TRIT1: variants seen among roughly 807,000 people sequenced by gnomAD.
TRIT1 encodes tRNA dimethylallyltransferase.
A neutral mutation model predicts 51.2 loss-of-function variants in TRIT1; 43 were observed. The observed-to-expected ratio is 0.84, with a 90% CI of 0.66 to 1.08. The LOEUF (loss-of-function observed/expected upper bound fraction) is 1.08. Ranked by LOEUF, TRIT1 falls within the 50% of genes least tolerant of loss-of-function variation. The probability of loss-of-function intolerance (pLI) is 0.00; values close to 1 mark genes in which losing one functional copy is unlikely to be tolerated. For missense variants in TRIT1, 528 were observed against 578.4 expected (o/e 0.91, Z 0.89); for synonymous variants, 184 against 203.9 (o/e 0.90, Z 0.83).
At chr1:39,846,458 A>G (rs1642229519) in intron 8 of TRIT1, among the ~76,000 whole-genome samples, 3 of 152,212 alleles carry the variant, frequency 2.0e-5, no homozygotes, top group Admixed American at 1.3e-4. Flanking sequence ...GTTTTTACCC[A>G]TGGTCCAATA....
Position 39,841,494 on chromosome 1 carries a change from GAA to G in TRIT1, c.*248_*249del. The stretch of plus-strand genomic sequence containing the variant: ...AATAATAGAACCTTTAAGGTTCAAA[GAA>G]AAAAAAAATGCTTTCCTGAACTACA... On this transcript the variant is annotated 3_prime_UTR_variant, in exon 11 of 11. Coordinates refer to ENST00000316891, the MANE Select transcript of TRIT1 (RefSeq NM_017646.6). 1 of 324,308 alleles carries G rather than the reference GAA, an allele frequency of 3.1e-6. No homozygotes were observed. The highest frequency in any genetic ancestry group is 5.6e-6 in the Non-Finnish European group (1 of 179,834). The allele number at this position is 324,308 out of a possible 1,614,324, so 20.1% of individuals were successfully genotyped here.
intron 1 of TRIT1, among the ~76,000 whole-genome samples, chr1:39,874,388 G>A (rs1643978486): frequency 6.6e-6 from 1 of 152,068 alleles, no homozygotes; most frequent in African/African-American, 2.4e-5. Flanking sequence ...TCCCCTAGGA[G>A]GCCAAATCAC....
At position 39,841,810 on chromosome 1, in the gene TRIT1, A is replaced by C. The variant is rs1386388712; in HGVS notation, c.1338T>G (p.His446Gln). 6.2e-7 allele frequency: 1 copy of C among 1,613,850 alleles called. No homozygotes were observed. The highest frequency in any genetic ancestry group is 1.7e-5 in the Admixed American group (1 of 59,980). ...ATCCCTTCTCTTTAGGTTCTTTGTT[A>C]TGGTCTGGGGAAACACTCTGACTTT... ...TIESQSVSPD[H>Q]NKEPKEKGSP... is the part of the protein sequence containing the mutation. Residue 446 changes from histidine to glutamine, a missense_variant, in exon 11 of 11, where the codon CAT becomes CAG. His to Gln is a conservative substitution (Grantham distance 24). Transcript: ENST00000316891.
chr1:39,851,360 T>C (rs1490684997), intron 4 of TRIT1, among the ~76,000 whole-genome samples: 4 of 152,074 alleles, frequency 2.6e-5, no homozygotes, highest in Non-Finnish European at 5.9e-5. Flanking sequence ...TGAGAAGTGA[T>C]AAGAAAGAAC....
At chr1:39,847,343 AC>A (rs761102343) in intron 7 of TRIT1, 46 bp from the exon 8 acceptor site, 31 of 1,586,512 alleles carry the variant, frequency 2.0e-5, no homozygotes, top group Non-Finnish European at 2.7e-5. Flanking sequence ...AGCACTCCTT[AC>A]CCTGCAGAGA....
intron 1 of TRIT1, among the ~76,000 whole-genome samples, chr1:39,876,567 T>C (rs1644063710): frequency 6.7e-6 from 1 of 150,158 alleles, no homozygotes; most frequent in African/African-American, 2.4e-5. Flanking sequence ...TATATATATA[T>C]ATGAATGATG....
chr1:39,849,043 G>A (rs972978732), intron 5 of TRIT1, among the ~76,000 whole-genome samples: 2 of 151,988 alleles, frequency 1.3e-5, no homozygotes, highest in Non-Finnish European at 2.9e-5. Context: ...TTTAACAACA[G>A]ATTGTCACCA....
chr1:39,869,448 C>T (rs6684783), intron 1 of TRIT1, among the ~76,000 whole-genome samples: 2 of 152,186 alleles, frequency 1.3e-5, no homozygotes, highest in Non-Finnish European at 2.9e-5. Context: ...GATCTTGGCT[C>T]GCTACAACCT....
At chr1:39,865,783 G>A (rs1643511229) in intron 1 of TRIT1, among the ~76,000 whole-genome samples, 1 of 151,502 alleles carries the variant, frequency 6.6e-6, no homozygotes, top group Non-Finnish European at 1.5e-5. Context: ...CCAAGAGGGT[G>A]AGCTGCAGTG....
intron 5 of TRIT1, among the ~76,000 whole-genome samples, chr1:39,849,028 ATTAAT>A (rs1642406004): frequency 6.6e-6 from 1 of 152,150 alleles, no homozygotes; most frequent in South Asian, 2.1e-4. Context: ...TTTATGGCAG[ATTAAT>A]TTAACAACAG....
rs1375692975 is a variant in TRIT1 at position 39,854,039 on chromosome 1, A to G, written c.345T>C (p.Ile115=). The stretch of plus-strand genomic sequence containing the variant: ...AATTGGTTCCTCCCACAACAATAGG[A>G]ATTTTGTCTCGGGCAAATATATCTT... ...LIEDIFARDK[I]PIVVGGTNYY... is the part of the protein sequence containing the mutation. Residue 115 remains isoleucine, a synonymous_variant, in exon 3 of 11, where the codon ATT becomes ATC. Transcript: ENST00000316891. 1.2e-6 allele frequency: 2 copies of G among 1,612,306 alleles called. No individual in the cohort carries two copies. The highest frequency in any genetic ancestry group is 1.1e-5 in the South Asian group (1 of 90,608).
chr1:39,877,641 A>G (rs1570139831), intron 1 of TRIT1, among the ~76,000 whole-genome samples: 1 of 152,112 alleles, frequency 6.6e-6, no homozygotes, highest in Non-Finnish European at 1.5e-5. Flanking sequence ...AGGGCCTTCA[A>G]TTTTCTCAGT....
intron 4 of TRIT1, among the ~76,000 whole-genome samples, chr1:39,852,168 T>A (rs1300300081): frequency 6.6e-6 from 1 of 152,084 alleles, no homozygotes. Context: ...ATGCTGGAAG[T>A]GGTATCACTC....
chr1:39,849,938 A>G (rs1016435016), intron 5 of TRIT1, among the ~76,000 whole-genome samples, 181 bp downstream of exon 5: 16 of 152,162 alleles, frequency 1.1e-4, no homozygotes, highest in Non-Finnish European at 2.9e-5. Context: ...TTCCAAACAG[A>G]TATCTAGGGG....
chr1:39,839,728 C>T lies in TRIT1; in HGVS notation c.*2016G>A, dbSNP rs150318314. On this transcript the variant is annotated 3_prime_UTR_variant, in exon 11 of 11. Coordinates refer to ENST00000316891, the MANE Select transcript of TRIT1 (RefSeq NM_017646.6). ...GTAAGTGCTTCATAAATATTAGACA[C>T]TTTTTTTTTGGTAAAAAAGGCCTGA... Among the ~76,000 whole-genome samples, 211 of 151,568 alleles carry T rather than the reference C, an allele frequency of 1.4e-3. No individual in the cohort carries two copies. Among genetic ancestry groups the T allele is most frequent in the African/African-American group, 5.0e-3 (205 of 41,340 alleles).
Position 39,883,465 on chromosome 1 carries a change from T to G in TRIT1, c.27A>C (p.Ala9=). 1 of 1,597,588 alleles carries G rather than the reference T, an allele frequency of 6.3e-7. No homozygotes were observed. The highest frequency in any genetic ancestry group is 1.1e-5 in the South Asian group (1 of 90,772). The change falls in exon 1 of 11, where the codon GCA becomes GCC. Residue 9 remains alanine (A), a synonymous_variant. Transcript: ENST00000316891. MASVAAAR[A]VPVGSGLRGL... ...CCCTGAGCCCACTGCCCACGGGAACTGCTCGTGCAGCCGCCACGGACGCCA... is the reference window on the plus strand; with the variant it reads ...CCCTGAGCCCACTGCCCACGGGAACGGCTCGTGCAGCCGCCACGGACGCCA...
chr1:39,855,903 C>T (rs1411190373), intron 2 of TRIT1, among the ~76,000 whole-genome samples: 1 of 152,120 alleles, frequency 6.6e-6, no homozygotes, highest in Non-Finnish European at 1.5e-5. Context: ...TGGGGCCAGG[C>T]GTGGTGGCTC....
chr1:39,858,457 C>T (rs1191053630), intron 1 of TRIT1, among the ~76,000 whole-genome samples: 1 of 152,164 alleles, frequency 6.6e-6, no homozygotes, highest in Non-Finnish European at 1.5e-5. Context: ...ATAATATCTA[C>T]CTCATAGGGT....
At chr1:39,873,478 G>A (rs191952225) in intron 1 of TRIT1, among the ~76,000 whole-genome samples, 40 of 152,274 alleles carry the variant, frequency 2.6e-4, no homozygotes, top group Admixed American at 2.5e-3. Context: ...GTCAAAGATT[G>A]GAGGACACTA....
Sources: allele counts gnomAD v4.1 joint callset (sites outside exome capture counted in the v4.1 genomes callset), GRCh38; gene constraint gnomAD v4.1.1; transcripts MANE v1.5; gene names NCBI Gene and HGNC (gene_info 2026-07-23, HGNC 2026-07-21).